Variants in ELF5 observed in about 807,000 individuals in gnomAD.
ELF5 encodes the protein ETS-related transcription factor Elf-5.
ELF5 carries 31 observed loss-of-function variants against 38.2 expected under a neutral mutation model. That is an observed-to-expected ratio of 0.81 (90% CI 0.61 to 1.10). The LOEUF (loss-of-function observed/expected upper bound fraction) is 1.10. ELF5 is among the 50% of genes least tolerant of loss of function. The pLI, the probability that ELF5 is intolerant of heterozygous loss-of-function variation, is 0.00. For synonymous variants in ELF5, 121 were observed against 112.5 expected (o/e 1.08, Z -0.48); for missense variants, 300 against 306.6 (o/e 0.98, Z 0.16).
chr11:34,509,076 T>A (rs1850685627), intron 1 of ELF5, among the ~76,000 whole-genome samples: 1 of 152,128 alleles, frequency 6.6e-6, no homozygotes, highest in Admixed American at 6.5e-5. Context: ...ATGCCTGTAA[T>A]CCCAGCACTT....
chr11:34,501,813 C>A (rs1486017153), intron 2 of ELF5, among the ~76,000 whole-genome samples: 4 of 152,118 alleles, frequency 2.6e-5, no homozygotes, highest in Non-Finnish European at 5.9e-5. Flanking sequence ...TCTGCTCAAG[C>A]CATTTGAAGG....
intron 1 of ELF5, among the ~76,000 whole-genome samples, chr11:34,508,089 A>T (rs1316400132): frequency 6.6e-6 from 1 of 152,260 alleles, no homozygotes; most frequent in Admixed American, 6.5e-5. Flanking sequence ...ATACATAAAA[A>T]TAAATATTTA....
At chr11:34,493,411 G>T in intron 3 of ELF5, 68 bp downstream of exon 3, 1 of 1,448,196 alleles carries the variant, frequency 6.9e-7, no homozygotes, top group Non-Finnish European at 9.5e-7. Flanking sequence ...GATGGGAAAG[G>T]ACTTCTCAAA....
intron 2 of ELF5, among the ~76,000 whole-genome samples, chr11:34,501,200 G>A (rs1249592620): frequency 6.6e-6 from 1 of 152,172 alleles, no homozygotes; most frequent in African/African-American, 2.4e-5. Context: ...AAGTGGAGAA[G>A]CATGCTTAGG....
chr11:34,513,493 C>A (rs1590348658), intron 1 of ELF5, among the ~76,000 whole-genome samples, 184 bp downstream of exon 1: 1 of 152,210 alleles, frequency 6.6e-6, no homozygotes, highest in Non-Finnish European at 1.5e-5. Flanking sequence ...CGGAGGCAAG[C>A]AGGTCTCTCT....
rs191553572 is a variant in ELF5, at chr11:34,498,588, C to T, written c.122-4876G>A. 3.1e-3 allele frequency among the ~76,000 whole-genome samples: 476 copies of T among 152,266 alleles called. 4 individuals carry two copies. The highest frequency in any genetic ancestry group is 0.011 in the African/African-American group (453 of 41,524). The stretch of plus-strand genomic sequence containing the variant: ...TAAAATTCTTAATCATCAGGACACA[C>T]ACAAGACTCAAGCTTCTGAAACTGA... On this transcript the variant is annotated intron_variant, in intron 2 of 6. Transcript: ENST00000257832.
intron 4 of ELF5, among the ~76,000 whole-genome samples, chr11:34,484,491 T>TACTAC (rs1857030481): frequency 1.4e-5 from 2 of 142,260 alleles, no homozygotes; most frequent in Non-Finnish European, 3.0e-5. Flanking sequence ...AACTATACTA[T>TACTAC]ACTATACTAT....
At chr11:34,482,262 A>G (rs548145130) in intron 5 of ELF5, among the ~76,000 whole-genome samples, 169 bp downstream of exon 5, 1 of 152,378 alleles carries the variant, frequency 6.6e-6, no homozygotes, top group East Asian at 1.9e-4. Flanking sequence ...GAAGAAATCA[A>G]TCTGACTTTG....
Position 34,480,902 on chromosome 11 carries a change from C to T in ELF5, c.541G>A (p.Gly181Ser). The T allele has an allele frequency of 6.2e-7, 1 of 1,614,090 alleles. No homozygotes were observed. The highest frequency in any genetic ancestry group is 8.5e-7 in the Non-Finnish European group (1 of 1,180,030). Reference sequence around the variant, plus strand: ...TCCCTATCTTCCCATTCCAGAATGCCACAGTTTTCTTCAGGAGATAGAAGC... The same window carrying T: ...TCCCTATCTTCCCATTCCAGAATGCTACAGTTTTCTTCAGGAGATAGAAGC... ...DLLLSPEENC[G>S]ILEWEDREQG... Residue 181 changes from glycine to serine, a missense_variant, in exon 6 of 7, where the codon GGC (glycine) becomes AGC (serine). Coordinates refer to ENST00000257832, the MANE Select transcript of ELF5 (RefSeq NM_001422.4).
chr11:34,511,607 A>G, intron 1 of ELF5: 1 of 1,613,948 alleles, frequency 6.2e-7, no homozygotes, highest in Non-Finnish European at 8.5e-7. Context: ...GTGGCTTCTG[A>G]ACCCTTCTCA....
intron 4 of ELF5, among the ~76,000 whole-genome samples, chr11:34,488,121 T>G (rs1348020141): frequency 6.6e-6 from 1 of 152,180 alleles, no homozygotes; most frequent in Non-Finnish European, 1.5e-5. Flanking sequence ...ACACAAAACA[T>G]GCTGATCTTT....
chr11:34,503,488 G>A (rs535949324), intron 2 of ELF5, among the ~76,000 whole-genome samples: 11 of 150,186 alleles, frequency 7.3e-5, no homozygotes, highest in African/African-American at 2.5e-4. Context: ...TCTCACTGTC[G>A]CTCAGGCTGG....
At chr11:34,488,767 T>A (rs986786793) in intron 4 of ELF5, among the ~76,000 whole-genome samples, 4 of 152,160 alleles carry the variant, frequency 2.6e-5, no homozygotes, top group Non-Finnish European at 5.9e-5. Flanking sequence ...GGAGAAAGGG[T>A]TGGTCAGGTC....
chr11:34,498,032 G>A (rs1287598885), intron 2 of ELF5, among the ~76,000 whole-genome samples: 1 of 152,180 alleles, frequency 6.6e-6, no homozygotes, highest in Non-Finnish European at 1.5e-5. Context: ...GCTCCAGGAA[G>A]CTCCTTGAAA....
rs141747633 is a variant in ELF5, at chr11:34,502,874, C to A, written c.121+2755G>T. Reference sequence around the variant, plus strand: ...CTTCTGGAAGGGATCCTAGCAATGGCCTGGTCTAACCTTTCATGACGTTGA... The same window carrying A: ...CTTCTGGAAGGGATCCTAGCAATGGACTGGTCTAACCTTTCATGACGTTGA... On this transcript the variant is annotated intron_variant, in intron 2 of 6. Coordinates refer to ENST00000257832, the MANE Select transcript of ELF5 (RefSeq NM_001422.4). Among the ~76,000 whole-genome samples, 1,017 of 152,308 alleles carry A rather than the reference C, an allele frequency of 6.7e-3. 7 individuals carry two copies. Among genetic ancestry groups the A allele is most frequent in the Non-Finnish European group, 0.01 (691 of 68,028 alleles).
At chr11:34,491,898 G>GT (rs1405308922) in intron 3 of ELF5, 3 of 152,234 alleles carry the variant, frequency 2.0e-5, no homozygotes, top group Admixed American at 6.5e-5. Context: ...TTGTTTGTTT[G>GT]TTTTTTGATG....
chr11:34,479,182 C>T lies in ELF5; in HGVS notation c.*1036G>A, dbSNP rs184022036. 297 of 152,776 alleles carry T rather than the reference C, an allele frequency of 1.9e-3. No individual in the cohort carries two copies. Among genetic ancestry groups the T allele is most frequent in the Non-Finnish European group, 3.5e-3 (235 of 68,032 alleles). The allele number at this position is 152,776 out of a possible 1,614,324, so 9.5% of individuals were successfully genotyped here. The stretch of plus-strand genomic sequence containing the variant: ...GTAGAAAGACAAAACAAAAAAGACA[C>T]ACAATTTAATTTGCCATTACAGAGT... On this transcript the variant is annotated 3_prime_UTR_variant, in exon 7 of 7. Transcript: ENST00000257832.
intron 4 of ELF5, among the ~76,000 whole-genome samples, chr11:34,486,418 C>T (rs950769850): frequency 6.6e-6 from 1 of 152,144 alleles, no homozygotes; most frequent in African/African-American, 2.4e-5. Context: ...GTCTGGGCAC[C>T]TTCAGTGGGC....
chr11:34,513,603 C>T (rs966141276), intron 1 of ELF5, 74 bp downstream of exon 1: 1 of 152,464 alleles, frequency 6.6e-6, no homozygotes, highest in Non-Finnish European at 1.5e-5. Flanking sequence ...CGAGCAGACC[C>T]AGGCCCCAGG....
Sources: allele counts gnomAD v4.1 joint callset (sites outside exome capture counted in the v4.1 genomes callset), GRCh38; gene constraint gnomAD v4.1.1; transcripts MANE v1.5; gene names NCBI Gene and HGNC (gene_info 2026-07-23, HGNC 2026-07-21).